Variants in TANC1 observed in about 807,000 individuals in gnomAD.
The protein encoded by TANC1 is protein TANC1.
TANC1 carries 77 observed loss-of-function variants against 149.7 expected under a neutral mutation model. That is an observed-to-expected ratio of 0.51 (90% CI 0.43 to 0.62). The LOEUF is 0.62. Among genes scored for constraint, TANC1 ranks in the 20% least tolerant of loss-of-function variants. The pLI is 0.00. For missense variants in TANC1, 1,985 were observed against 2,321.8 expected (o/e 0.85, Z 2.98); for synonymous variants, 854 against 925.0 (o/e 0.92, Z 1.39).
rs116366648 is a variant in TANC1 at position 159,033,389 on chromosome 2, G to A, written c.-16+32200G>A. ...AAGGAAGAATCGTAAATGTATGACCGGTTCACAGACTGTTGAGTTGTGTGG... is the reference window on the plus strand; with the variant it reads ...AAGGAAGAATCGTAAATGTATGACCAGTTCACAGACTGTTGAGTTGTGTGG... On this transcript the variant is annotated intron_variant, in intron 2 of 26. Coordinates refer to ENST00000263635, the MANE Select transcript of TANC1 (RefSeq NM_033394.3). Among the ~76,000 whole-genome samples, 320 of 152,264 alleles carry A rather than the reference G, an allele frequency of 2.1e-3. 2 individuals carry two copies. The highest frequency in any genetic ancestry group is 0.01 in the Middle Eastern group (3 of 294).
chr2:159,113,173 G>A (rs566812582), intron 4 of TANC1, among the ~76,000 whole-genome samples: 1 of 151,608 alleles, frequency 6.6e-6, no homozygotes, highest in African/African-American at 2.4e-5. Context: ...GCCCAGGCTG[G>A]TCTTGAACTC....
chr2:159,023,273 G>A (rs542915407), intron 2 of TANC1, among the ~76,000 whole-genome samples: 4 of 152,248 alleles, frequency 2.6e-5, no homozygotes, highest in East Asian at 1.9e-4. Context: ...AGAGATCTGT[G>A]TATGTAAAGT....
chr2:159,019,341 G>A (rs1328794567), intron 2 of TANC1, among the ~76,000 whole-genome samples: 3 of 152,230 alleles, frequency 2.0e-5, no homozygotes, highest in African/African-American at 7.2e-5. Flanking sequence ...TAGTTGCTGA[G>A]TGGGAATACA....
chr2:159,184,867 T>A (rs1294893605), intron 14 of TANC1, among the ~76,000 whole-genome samples: 1 of 152,144 alleles, frequency 6.6e-6, no homozygotes, highest in African/African-American at 2.4e-5. Flanking sequence ...AAAAACTGAT[T>A]CCTTGGCCTC....
At chr2:159,209,630 T>G (rs1385047398) in intron 19 of TANC1, among the ~76,000 whole-genome samples, 1 of 151,788 alleles carries the variant, frequency 6.6e-6, no homozygotes, top group African/African-American at 2.4e-5. Context: ...CCACTTAGAG[T>G]CAGTTACCAA....
At chr2:159,207,678 G>A (rs758269119) in intron 19 of TANC1, among the ~76,000 whole-genome samples, 5 of 109,664 alleles carry the variant, frequency 4.6e-5, no homozygotes, top group Non-Finnish European at 6.9e-5. Flanking sequence ...CAGCCTGGGC[G>A]ACTGAGCAAC....
chr2:159,190,707 G>A (rs566292188), intron 16 of TANC1, among the ~76,000 whole-genome samples: 2 of 151,778 alleles, frequency 1.3e-5, no homozygotes, highest in Admixed American at 6.6e-5. Context: ...GTGTGCCACC[G>A]CAACCAGCTA....
chr2:159,155,377 A>G (rs1021187158), intron 7 of TANC1, among the ~76,000 whole-genome samples: 2 of 152,188 alleles, frequency 1.3e-5, no homozygotes, highest in Non-Finnish European at 1.5e-5. Context: ...CACTCTCTCC[A>G]TTCGTCTTTT....
At chr2:159,133,355 T>TC (rs2050301854) in intron 4 of TANC1, among the ~76,000 whole-genome samples, 1 of 79,278 alleles carries the variant, frequency 1.3e-5, no homozygotes, top group African/African-American at 3.6e-5. Flanking sequence ...TTTTTTTTTT[T>TC]TTTCTCTTTT....
At chr2:159,085,311 G>A (rs1403947987) in intron 3 of TANC1, among the ~76,000 whole-genome samples, 2 of 152,132 alleles carry the variant, frequency 1.3e-5, no homozygotes, top group African/African-American at 2.4e-5. Context: ...CCTGCAGAAC[G>A]ATGAGCTAAA....
intron 3 of TANC1, among the ~76,000 whole-genome samples, chr2:159,079,926 G>A (rs1209631018): frequency 6.6e-6 from 1 of 152,204 alleles, no homozygotes; most frequent in African/African-American, 2.4e-5. Context: ...AGAAGTGCAT[G>A]GGAGGGGTTT....
chr2:159,016,293 A>C (rs905291381), intron 2 of TANC1, among the ~76,000 whole-genome samples: 2 of 152,340 alleles, frequency 1.3e-5, no homozygotes, highest in Non-Finnish European at 2.9e-5. Context: ...CTTATTCACT[A>C]CCACAAGAAC....
At chr2:159,102,464 C>CT (rs201223192) in intron 4 of TANC1, among the ~76,000 whole-genome samples, 3 of 143,772 alleles carry the variant, frequency 2.1e-5, no homozygotes, top group Admixed American at 1.4e-4. Flanking sequence ...TTGCTTTTTT[C>CT]TTTTTTTTCC....
intron 23 of TANC1, chr2:159,224,636 AGCCTCTTGCTGTGGGGTGGGGCC>A (rs2059909256): frequency 2.6e-6 from 1 of 386,484 alleles, no homozygotes; most frequent in South Asian, 4.0e-5. Context: ...GAGGAACCAC[AGCCTCTTGCTGTGGGGTGGGGCC>A]GGGTAGTGCT....
intron 19 of TANC1, among the ~76,000 whole-genome samples, chr2:159,201,059 A>G (rs2058209258): frequency 2.6e-5 from 4 of 151,992 alleles, no homozygotes; most frequent in Admixed American, 2.0e-4. Flanking sequence ...GCTGTTTTTC[A>G]GGCTTAGCCA....
At chr2:159,082,860 G>A (rs186431382) in intron 3 of TANC1, among the ~76,000 whole-genome samples, 99 of 152,304 alleles carry the variant, frequency 6.5e-4, no homozygotes, top group African/African-American at 2.3e-3. Context: ...AAACCTGGCT[G>A]GTTCACCTAG....
chr2:159,095,922 T>A (rs916511327), intron 3 of TANC1, among the ~76,000 whole-genome samples: 5 of 152,094 alleles, frequency 3.3e-5, no homozygotes, highest in Middle Eastern at 3.2e-3. Context: ...CACAAAAATC[T>A]GCAGAATTTA....
At chr2:159,055,354 A>T (rs1291079068) in intron 2 of TANC1, among the ~76,000 whole-genome samples, 2 of 152,196 alleles carry the variant, frequency 1.3e-5, no homozygotes, top group African/African-American at 4.8e-5. Context: ...GGTATCCATA[A>T]CTGCTACACT....
intron 11 of TANC1, among the ~76,000 whole-genome samples, chr2:159,173,449 A>G (rs2055485800): frequency 6.6e-6 from 1 of 152,140 alleles, no homozygotes; most frequent in Non-Finnish European, 1.5e-5. Flanking sequence ...TACTAAAAAT[A>G]CAAAAATTAG....
Sources: allele counts gnomAD v4.1 joint callset (sites outside exome capture counted in the v4.1 genomes callset), GRCh38; gene constraint gnomAD v4.1.1; transcripts MANE v1.5; gene names NCBI Gene and HGNC (gene_info 2026-07-23, HGNC 2026-07-21).